Variants in RIC1 observed in about 807,000 individuals in gnomAD.
The protein encoded by RIC1 is RIC1 partner of RAB6A GEF complex.
Under a neutral mutation model 169.0 loss-of-function variants are expected in RIC1, and 88 were observed. That is an observed-to-expected ratio of 0.52 (90% confidence interval 0.44 to 0.62). RIC1 has a LOEUF of 0.62. RIC1 is among the 20% of genes least tolerant of loss of function. The pLI, the probability that RIC1 is intolerant of heterozygous loss-of-function variation, is 0.00. For missense variants in RIC1, 1,877 were observed against 1,725.5 expected, an observed-to-expected ratio of 1.09 and a Z score of -1.56; for synonymous variants, 790 against 601.5, an observed-to-expected ratio of 1.31 and a Z score of -4.59.
chr9:5,738,460 C>T lies in RIC1; in HGVS notation c.823C>T (p.Gln275Ter). Residue 275 changes from glutamine (Q) to a stop codon, truncating the protein, a stop_gained, in exon 8 of 26, where the codon CAG becomes TAG. Transcript: ENST00000414202. LOFTEE classifies it high-confidence loss of function. The stretch of plus-strand genomic sequence containing the variant: ...TTGTTGTTTTCACAGTGGTTCTGTG[C>T]AGGTCTATACAATAGATAACAGCAC... ...MAFGCVSGSVQVYTIDNSTGA... is the reference protein window; with the variant it reads ...MAFGCVSGSV The T allele has an allele frequency of 6.3e-7, 1 of 1,597,204 alleles. No homozygotes were observed. The highest frequency in any genetic ancestry group is 8.5e-7 in the Non-Finnish European group (1 of 1,174,100).
intron 1 of RIC1, among the ~76,000 whole-genome samples, chr9:5,652,898 G>C (rs1818884803): frequency 6.6e-6 from 1 of 152,160 alleles, no homozygotes; most frequent in Non-Finnish European, 1.5e-5. Context: ...TTTGTTAAGA[G>C]TTGTTGTCAA....
At chr9:5,707,179 A>T (rs943839879) in intron 3 of RIC1, among the ~76,000 whole-genome samples, 4 of 152,068 alleles carry the variant, frequency 2.6e-5, no homozygotes, top group African/African-American at 9.7e-5. Context: ...GAATTTCCAC[A>T]TATTTGAATT....
At chr9:5,738,043 G>A (rs1824834449) in intron 7 of RIC1, among the ~76,000 whole-genome samples, 1 of 151,908 alleles carries the variant, frequency 6.6e-6, no homozygotes, top group South Asian at 2.1e-4. Context: ...GTTGTTCAAG[G>A]GTTAACTGTA....
At chr9:5,714,107 A>G (rs1429080248) in intron 4 of RIC1, 104 bp downstream of exon 4, 2 of 671,806 alleles carry the variant, frequency 3.0e-6, no homozygotes, top group African/African-American at 1.8e-5. Context: ...TTTTAATTCA[A>G]GATAACTTCT....
chr9:5,718,139 CAAA>C (rs35477806), intron 4 of RIC1, among the ~76,000 whole-genome samples: 5 of 28,080 alleles, frequency 1.8e-4, no homozygotes, highest in East Asian at 1.0e-3. Context: ...GACTCCGTCT[CAAA>C]AAAAAAAAAA....
At chr9:5,711,782 G>A (rs1383579480) in intron 3 of RIC1, among the ~76,000 whole-genome samples, 1 of 152,040 alleles carries the variant, frequency 6.6e-6, no homozygotes, top group Non-Finnish European at 1.5e-5. Flanking sequence ...GTGTCCAAGT[G>A]TTCTCATTGT....
intron 2 of RIC1, among the ~76,000 whole-genome samples, chr9:5,685,104 C>A (rs553511453): frequency 1.3e-5 from 2 of 151,334 alleles, no homozygotes; most frequent in Non-Finnish European, 2.9e-5. Context: ...GAACTACAAA[C>A]CACTGCTCAA....
chr9:5,716,662 G>A (rs962057942), intron 4 of RIC1, among the ~76,000 whole-genome samples: 42 of 152,176 alleles, frequency 2.8e-4, no homozygotes, highest in African/African-American at 9.7e-4. Flanking sequence ...TGGGTTATTA[G>A]TTATCGAACA....
intron 3 of RIC1, among the ~76,000 whole-genome samples, chr9:5,699,264 T>A (rs1223829663): frequency 1.3e-5 from 2 of 152,172 alleles, no homozygotes; most frequent in Non-Finnish European, 2.9e-5. Context: ...ATCCCAAAGA[T>A]GTACGCTTTG....
intron 8 of RIC1, among the ~76,000 whole-genome samples, chr9:5,739,342 G>A (rs1824923865): frequency 6.6e-6 from 1 of 152,126 alleles, no homozygotes. Flanking sequence ...AGCTTTAAAT[G>A]CAGAATCCCT....
intron 23 of RIC1, 26 bp downstream of exon 23, chr9:5,770,304 C>T (rs1320265248): frequency 6.3e-7 from 1 of 1,587,242 alleles, no homozygotes; most frequent in Admixed American, 1.7e-5. Flanking sequence ...AATCCTAGCT[C>T]TTCAGTTCCT....
chr9:5,713,837 T>C (rs1823076203), intron 3 of RIC1, 59 bp from the exon 4 acceptor site: 3 of 1,070,272 alleles, frequency 2.8e-6, no homozygotes, highest in Non-Finnish European at 4.3e-6. Flanking sequence ...GTATGTGTAT[T>C]AGCCACAGAA....
intron 3 of RIC1, among the ~76,000 whole-genome samples, chr9:5,707,709 A>G (rs897349926): frequency 2.6e-5 from 4 of 151,946 alleles, no homozygotes; most frequent in African/African-American, 9.7e-5. Flanking sequence ...CAGCCACCCT[A>G]CTATTTGCAT....
intron 2 of RIC1, among the ~76,000 whole-genome samples, chr9:5,685,534 C>T (rs1356543591): frequency 6.7e-6 from 1 of 149,598 alleles, no homozygotes; most frequent in African/African-American, 2.4e-5. Flanking sequence ...GAAAGGATTC[C>T]CTATTTAATA....
intron 3 of RIC1, among the ~76,000 whole-genome samples, chr9:5,698,352 G>A (rs534518868): frequency 7.8e-4 from 119 of 152,222 alleles, no homozygotes; most frequent in South Asian, 1.2e-3. Flanking sequence ...ATTACTCCCC[G>A]CTCAGTGTCC....
intron 2 of RIC1, among the ~76,000 whole-genome samples, chr9:5,683,147 G>C (rs145856345): frequency 6.6e-6 from 1 of 152,102 alleles, no homozygotes; most frequent in Non-Finnish European, 1.5e-5. Context: ...CTTTCAACTC[G>C]TCAAAGTCAT....
In RIC1 at chr9:5,641,338, G is replaced by A. The variant is rs184075446; in HGVS notation, c.144+11885G>A. On this transcript the variant is annotated intron_variant, in intron 1 of 25. Transcript: ENST00000414202. Reference sequence around the variant, plus strand: ...GATCTCCTGACCTCATGATCTGCCCGCCTCGGCCTCCCAAAGTGCTGGGAT... The same window carrying A: ...GATCTCCTGACCTCATGATCTGCCCACCTCGGCCTCCCAAAGTGCTGGGAT... Among the ~76,000 whole-genome samples the A allele has an allele frequency of 3.3e-5, 5 of 152,038 alleles. No individual in the cohort carries two copies. The East Asian group carries it at 7.7e-4, about 24-fold the overall frequency.
At chr9:5,759,136 CTAAT>C (rs1264717156) in intron 17 of RIC1, among the ~76,000 whole-genome samples, 10 of 152,112 alleles carry the variant, frequency 6.6e-5, no homozygotes, top group African/African-American at 2.4e-4. Context: ...CCAGTTAGTC[CTAAT>C]TGATAAGGGA....
intron 3 of RIC1, among the ~76,000 whole-genome samples, chr9:5,693,915 A>G (rs1821739804): frequency 6.6e-6 from 1 of 152,036 alleles, no homozygotes; most frequent in Non-Finnish European, 1.5e-5. Context: ...TCTTTAAAAA[A>G]AAAAAAAGTT....
Sources: gnomAD v4.1 joint callset for allele counts (sites outside exome capture counted in the v4.1 genomes callset) on GRCh38, gnomAD v4.1.1 for gene constraint, MANE v1.5 for transcripts, NCBI Gene and HGNC (gene_info 2026-07-23, HGNC 2026-07-21) for gene names.